Variants in LINS1 observed in about 807,000 individuals in gnomAD.
LINS1 encodes protein Lines homolog 1.
In LINS1, 27 loss-of-function variants were observed where a neutral mutation model predicts 41.6. The observed-to-expected ratio is 0.65, with a 90% CI of 0.48 to 0.89. The LOEUF (loss-of-function observed/expected upper bound fraction) is 0.89, where lower values mean the gene tolerates loss of function less well. Ranked by LOEUF, LINS1 falls within the 40% of genes least tolerant of loss-of-function variation. The probability of loss-of-function intolerance (pLI) is 0.00; values close to 1 mark genes in which losing one functional copy is unlikely to be tolerated. For synonymous variants in LINS1, 336 were observed against 312.9 expected, an observed-to-expected ratio of 1.07 and a Z score of -0.78; for missense variants, 955 against 884.1, an observed-to-expected ratio of 1.08 and a Z score of -1.02.
intron 1 of LINS1, among the ~76,000 whole-genome samples, chr15:100,594,890 A>G (rs1317486893): frequency 1.3e-5 from 2 of 152,190 alleles, no homozygotes; most frequent in Non-Finnish European, 2.9e-5. Flanking sequence ...AGGGCTGACT[A>G]TACTTTTAGT....
At chr15:100,591,101 C>T (rs535780366) in intron 1 of LINS1, among the ~76,000 whole-genome samples, 31 of 152,156 alleles carry the variant, frequency 2.0e-4, no homozygotes, top group Admixed American at 8.5e-4. Flanking sequence ...CACTTGAACC[C>T]GGGAGGCAGA....
chr15:100,580,906 A>C lies in LINS1; in HGVS notation c.-64T>G. 3.5e-5 allele frequency: 51 copies of C among 1,438,054 alleles called. No homozygotes were observed. Among genetic ancestry groups the C allele is most frequent in the Non-Finnish European group, 4.7e-5 (49 of 1,044,926 alleles). The allele number at this position is 1,438,054 out of a possible 1,614,324, so 89.1% of individuals were successfully genotyped here. A position where few individuals can be genotyped will look rare whatever the true frequency, so the allele number is the denominator to read the frequency against. ...CTCCAAGTTGTAAACATTAAATCTC[A>C]GAAGTGCAATGAATCTCTAAGAAGT... On this transcript the variant is annotated 5_prime_UTR_variant, in exon 2 of 7. Transcript: ENST00000314742.
intron 1 of LINS1, among the ~76,000 whole-genome samples, chr15:100,585,265 T>C (rs1451236570): frequency 6.6e-6 from 1 of 152,234 alleles, no homozygotes; most frequent in East Asian, 1.9e-4. Flanking sequence ...ACAAAGGGGA[T>C]GCCCTTGGCA....
chr15:100,581,718 T>C (rs1019633692), intron 1 of LINS1, among the ~76,000 whole-genome samples: 4 of 152,224 alleles, frequency 2.6e-5, no homozygotes, highest in African/African-American at 9.6e-5. Context: ...GCTCCTTTCA[T>C]TGCCTTTGAA....
intron 1 of LINS1, among the ~76,000 whole-genome samples, chr15:100,585,754 T>C (rs1437304810): frequency 6.6e-6 from 1 of 151,624 alleles, no homozygotes; most frequent in African/African-American, 2.4e-5. Flanking sequence ...ATAAGAGTGC[T>C]CATACATTAA....
chr15:100,569,383 T>A lies in LINS1; in HGVS notation c.2129A>T (p.Tyr710Phe). The A allele has an allele frequency of 6.2e-7, 1 of 1,614,066 alleles. No homozygotes were observed. The highest frequency in any genetic ancestry group is 1.3e-5 in the African/African-American group (1 of 75,012). The change falls in exon 7 of 7, where the codon TAC becomes TTC. Residue 710 changes from tyrosine (Y) to phenylalanine (F), a missense_variant. Coordinates refer to ENST00000314742, the MANE Select transcript of LINS1 (RefSeq NM_001040616.3). ...TTCCTGGAAGCATTTTACTATTCTG[T>A]AAAATATTCCCACTTCAGAGACGAC... ...NDVVSEVGIF[Y>F]RIVKCFQELQ...
chr15:100,576,319 G>A lies in LINS1; in HGVS notation c.490-1191C>T, dbSNP rs1476034807. On this transcript the variant is annotated intron_variant, in intron 3 of 6. Transcript: ENST00000314742. ...GAAAAGAGAGAAGAATCAAATAGAC[G>A]CAATAAAAAATGATAAAGGGAGTAT... Among the ~76,000 whole-genome samples, 7 of 151,948 alleles carry A rather than the reference G, an allele frequency of 4.6e-5. No individual in the cohort carries two copies. In the East Asian group the frequency reaches 5.8e-4, roughly 13 times the overall value.
intron 4 of LINS1, 38 bp from the exon 5 acceptor site, chr15:100,574,279 C>G (rs1223098888): frequency 1.2e-6 from 1 of 838,570 alleles, no homozygotes; most frequent in Non-Finnish European, 1.8e-6. Flanking sequence ...ACAGGAAAAA[C>G]AGTCTTCTTC....
At chr15:100,570,192 AT>A in intron 6 of LINS1, 75 bp from the exon 7 acceptor site, 2 of 1,191,866 alleles carry the variant, frequency 1.7e-6, no homozygotes, top group Admixed American at 4.4e-5. Context: ...TATAATTCAC[AT>A]ACCATAAATT....
intron 1 of LINS1, among the ~76,000 whole-genome samples, 160 bp from the exon 2 acceptor site, chr15:100,581,105 C>T (rs929813311): frequency 3.3e-5 from 5 of 152,088 alleles, no homozygotes; most frequent in African/African-American, 9.7e-5. Flanking sequence ...ATTTCAAGAC[C>T]GTAACAATGA....
chr15:100,595,854 C>T (rs7180844), intron 1 of LINS1, among the ~76,000 whole-genome samples: 55,797 of 152,048 alleles, frequency 0.37, 11,239 homozygotes, highest in Non-Finnish European at 0.47. Context: ...ACAACTGTCG[C>T]GGAAGTTGAG....
At chr15:100,572,786 T>G (rs1459561657) in intron 5 of LINS1, 1 of 970,346 alleles carries the variant, frequency 1.0e-6, no homozygotes, top group East Asian at 1.1e-4. Flanking sequence ...CCTGAGTTAC[T>G]ATTCTGGAAA....
In LINS1 at chr15:100,569,297, G is replaced by A. The variant is rs760377062; in HGVS notation, c.2215C>T (p.Leu739Phe). The A allele has an allele frequency of 5.0e-6, 8 of 1,610,318 alleles. No homozygotes were observed. The South Asian group carries it at 7.7e-5, about 15-fold the overall frequency. Residue 739 changes from leucine to phenylalanine, a missense_variant, in exon 7 of 7, where the codon CTT becomes TTT. By Grantham distance (22) the Leu-to-Phe change is conservative (BLOSUM62 0). Transcript: ENST00000314742. Reference protein sequence around the residue: ...KNLFPYNPTALLKLLKYIEVI... With the variant: ...KNLFPYNPTAFLKLLKYIEVI... ...TCTATGTATTTTAACAACTTCAAAAGTGCAGTTGGATTATATGGGAAAAGA... is the reference window on the plus strand; with the variant it reads ...TCTATGTATTTTAACAACTTCAAAAATGCAGTTGGATTATATGGGAAAAGA...
intron 1 of LINS1, among the ~76,000 whole-genome samples, chr15:100,593,289 G>A (rs2039115134): frequency 6.6e-6 from 1 of 152,092 alleles, no homozygotes; most frequent in Non-Finnish European, 1.5e-5. Context: ...TTTTCTCTTG[G>A]CAGAGGAGCT....
intron 5 of LINS1, chr15:100,573,289 A>G: frequency 1.2e-6 from 1 of 818,274 alleles, no homozygotes; most frequent in Non-Finnish European, 1.5e-6. Flanking sequence ...GCAGTGGGCC[A>G]TGGTCACGCA....
chr15:100,572,265 C>A (rs2037873772), intron 5 of LINS1, 200 bp from the exon 6 acceptor site: 1 of 1,384,972 alleles, frequency 7.2e-7, no homozygotes, highest in Non-Finnish European at 9.4e-7. Flanking sequence ...AAAAGTGACT[C>A]ATTCCAGAGC....
rs146118540 is a variant in LINS1, at chr15:100,572,058, T to C, written c.1230A>G (p.Leu410=). ...TCAGTAACTCAGACATGAACCTCTG[T>C]AAGTCAACTTCAAAAAATGAAAATT... The part of the protein sequence containing the change: ...YSSASEVKVD[L]QRFMSELLTF... Residue 410 remains leucine, a synonymous_variant, in exon 6 of 7, where the codon TTA becomes TTG. Transcript: ENST00000314742. 2.5e-5 allele frequency: 41 copies of C among 1,614,168 alleles called. No individual in the cohort carries two copies. The East Asian group carries it at 9.1e-4, about 36-fold the overall frequency.
intron 1 of LINS1, among the ~76,000 whole-genome samples, chr15:100,583,612 T>C (rs1033053095): frequency 6.6e-6 from 1 of 152,218 alleles, no homozygotes; most frequent in Non-Finnish European, 1.5e-5. Flanking sequence ...TACCCTTTTT[T>C]ATTCCAAGAA....
chr15:100,601,186 T>C (rs2039476124), intron 1 of LINS1, among the ~76,000 whole-genome samples: 1 of 152,238 alleles, frequency 6.6e-6, no homozygotes, highest in Non-Finnish European at 1.5e-5. Flanking sequence ...ACCTTTCCTA[T>C]CTGTCTTAGT....
Sources: gnomAD v4.1 joint callset for allele counts (sites outside exome capture counted in the v4.1 genomes callset) on GRCh38, gnomAD v4.1.1 for gene constraint, MANE v1.5 for transcripts, NCBI Gene and HGNC (gene_info 2026-07-23, HGNC 2026-07-21) for gene names.